Variants in NDUFV2 observed in about 807,000 individuals in gnomAD.
The protein encoded by NDUFV2 is NADH dehydrogenase [ubiquinone] flavoprotein 2, mitochondrial.
In NDUFV2, 18 loss-of-function variants were observed where a neutral mutation model predicts 31.6. The observed-to-expected ratio is 0.57, with a 90% CI of 0.39 to 0.84. The LOEUF (loss-of-function observed/expected upper bound fraction) is 0.84, where lower values mean the gene tolerates loss of function less well. Among genes scored for constraint, NDUFV2 ranks in the 40% least tolerant of loss-of-function variants. The probability of loss-of-function intolerance (pLI) is 0.00; values close to 1 mark genes in which losing one functional copy is unlikely to be tolerated. For synonymous variants in NDUFV2, 83 were observed against 99.8 expected (o/e 0.83, Z 1.01); for missense variants, 314 against 303.6 (o/e 1.03, Z -0.26).
intron 1 of NDUFV2, among the ~76,000 whole-genome samples, chr18:9,106,913 C>T (rs893760527): frequency 6.6e-6 from 1 of 151,750 alleles, no homozygotes; most frequent in African/African-American, 2.4e-5. Context: ...CTTCGACCCT[C>T]CTGGCATTCA....
intron 2 of NDUFV2, among the ~76,000 whole-genome samples, chr18:9,118,267 T>C (rs551982143): frequency 9.8e-5 from 15 of 152,308 alleles, no homozygotes; most frequent in African/African-American, 3.6e-4. Flanking sequence ...TCATGGATTT[T>C]AGTAATGTAG....
chr18:9,127,146 T>C (rs966051541), intron 7 of NDUFV2, among the ~76,000 whole-genome samples: 1 of 152,198 alleles, frequency 6.6e-6, no homozygotes, highest in African/African-American at 2.4e-5. Context: ...TAGAAATCTA[T>C]TCCATTATTT....
At chr18:9,105,022 T>C (rs2077834732) in intron 1 of NDUFV2, 4 of 1,489,030 alleles carry the variant, frequency 2.7e-6, no homozygotes, top group Non-Finnish European at 3.6e-6. Flanking sequence ...TAATGTATTC[T>C]GAACAGCTTT....
In NDUFV2 at chr18:9,134,057, AAAT is replaced by A. The variant is rs1172960704; in HGVS notation, c.657-125_657-123del. On this transcript the variant is annotated intron_variant, in intron 7 of 7. Coordinates refer to ENST00000318388, the MANE Select transcript of NDUFV2 (RefSeq NM_021074.5). ...TTGCATCAGTTGAAATGTTTGAATT[AAAT>A]AATCTATGCTAGTTCTTAGGGTAAA... The A allele has an allele frequency of 7.8e-6, 5 of 642,260 alleles. No homozygotes were observed. In the Admixed American group the frequency reaches 1.4e-4, roughly 18 times the overall value. 39.8% of individuals were successfully genotyped at this position (642,260 alleles called of 1,614,324 possible). A position where few individuals can be genotyped will look rare whatever the true frequency, so the allele number is the denominator to read the frequency against.
chr18:9,123,523 G>T (rs1405234724), intron 5 of NDUFV2, among the ~76,000 whole-genome samples: 1 of 150,456 alleles, frequency 6.6e-6, no homozygotes, highest in African/African-American at 2.4e-5. Flanking sequence ...GTCTCACTTT[G>T]TCACCAGGCT....
At chr18:9,103,846 A>T in intron 1 of NDUFV2, 2 of 280,956 alleles carry the variant, frequency 7.1e-6, no homozygotes, top group Non-Finnish European at 6.7e-6. Context: ...AGTGTGGATA[A>T]TAATGATAGT....
chr18:9,108,365 A>G (rs971775290), intron 1 of NDUFV2, among the ~76,000 whole-genome samples: 6 of 152,206 alleles, frequency 3.9e-5, no homozygotes, highest in African/African-American at 1.4e-4. Flanking sequence ...CAAAACTTAA[A>G]TTTTAGTGGT....
intron 4 of NDUFV2, among the ~76,000 whole-genome samples, chr18:9,122,108 A>T (rs2077941585): frequency 6.6e-6 from 1 of 152,062 alleles, no homozygotes; most frequent in Non-Finnish European, 1.5e-5. Context: ...TAAAAAATCT[A>T]ATTGCTTCTT....
At chr18:9,114,445 CTTTTTTT>C (rs58160760) in intron 1 of NDUFV2, among the ~76,000 whole-genome samples, 3 of 135,884 alleles carry the variant, frequency 2.2e-5, no homozygotes, top group Non-Finnish European at 4.8e-5. Flanking sequence ...TTGTTTGGAT[CTTTTTTT>C]TTTTTTTTTT....
intron 6 of NDUFV2, among the ~76,000 whole-genome samples, chr18:9,125,540 TG>T (rs68015208): frequency 0.11 from 16,375 of 151,500 alleles, 1,023 homozygotes; most frequent in African/African-American, 0.16. Flanking sequence ...TGAGCGTTTC[TG>T]TTTTTTTTTT....
chr18:9,114,486 T>C (rs968056436), intron 1 of NDUFV2, among the ~76,000 whole-genome samples: 3 of 151,342 alleles, frequency 2.0e-5, no homozygotes, highest in Non-Finnish European at 4.4e-5. Context: ...TGTTTTATCC[T>C]TGTGTCAGTT....
chr18:9,112,024 T>G (rs2077873411), intron 1 of NDUFV2, among the ~76,000 whole-genome samples: 1 of 149,544 alleles, frequency 6.7e-6, no homozygotes, highest in South Asian at 2.1e-4. Context: ...AGGGTTTTTT[T>G]TTTTTTTTTT....
rs977615770 is a variant in NDUFV2, at chr18:9,122,644, C to T, written c.432C>T (p.Asn144=). The part of the protein sequence containing the change: ...VCTTTPCMLR[N]SDSILEAIQK... The stretch of plus-strand genomic sequence containing the variant: ...CTACTACACCCTGCATGCTTCGAAA[C>T]TCTGACAGCATACTGGAGGCCATTC... Residue 144 remains asparagine (N), a synonymous_variant, in exon 5 of 8, where the codon AAC becomes AAT. Transcript: ENST00000318388. 4 of 1,613,808 alleles carry T rather than the reference C, an allele frequency of 2.5e-6. No individual in the cohort carries two copies. Among genetic ancestry groups the T allele is most frequent in the Admixed American group, 3.3e-5 (2 of 60,014 alleles).
At chr18:9,133,899 C>T (rs1230932808) in intron 7 of NDUFV2, among the ~76,000 whole-genome samples, 2 of 152,066 alleles carry the variant, frequency 1.3e-5, no homozygotes, top group East Asian at 1.9e-4. Context: ...CTTGTGGCAT[C>T]GTAAGGATTC....
intron 4 of NDUFV2, among the ~76,000 whole-genome samples, chr18:9,120,509 TA>T (rs1374525958): frequency 1.3e-5 from 2 of 152,214 alleles, no homozygotes; most frequent in East Asian, 3.8e-4. Context: ...ACTTCATTCT[TA>T]CCACTTTCTA....
chr18:9,105,988 C>T (rs149090579), intron 1 of NDUFV2, among the ~76,000 whole-genome samples: 3 of 152,144 alleles, frequency 2.0e-5, no homozygotes, highest in Non-Finnish European at 4.4e-5. Context: ...GTGAATGATA[C>T]GTTGTAGAGG....
intron 1 of NDUFV2, chr18:9,104,908 T>C (rs1248521164): frequency 2.7e-6 from 4 of 1,488,070 alleles, no homozygotes; most frequent in Non-Finnish European, 3.6e-6. Context: ...ACCTGGAAAT[T>C]ACCATTGTTA....
chr18:9,131,735 C>T (rs564741818), intron 7 of NDUFV2, among the ~76,000 whole-genome samples: 1 of 152,292 alleles, frequency 6.6e-6, no homozygotes, highest in South Asian at 2.1e-4. Context: ...AAATGGTACA[C>T]ATACGTATAG....
At chr18:9,127,979 C>T (rs1031134125) in intron 7 of NDUFV2, among the ~76,000 whole-genome samples, 1 of 152,204 alleles carries the variant, frequency 6.6e-6, no homozygotes, top group East Asian at 1.9e-4. Flanking sequence ...ACCTGTGTTA[C>T]ATTAATTACT....
Sources: allele counts gnomAD v4.1 joint callset (sites outside exome capture counted in the v4.1 genomes callset), GRCh38; gene constraint gnomAD v4.1.1; transcripts MANE v1.5; gene names NCBI Gene and HGNC (gene_info 2026-07-23, HGNC 2026-07-21).